MDGA2: variants seen among roughly 807,000 people sequenced by gnomAD.
The protein encoded by MDGA2 is MAM domain containing glycosylphosphatidylinositol anchor 2, also known as MAM domain-containing glycosylphosphatidylinositol anchor protein 2.
In MDGA2, 40 loss-of-function variants were observed where a neutral mutation model predicts 117.8. The ratio of observed to expected loss-of-function variants is 0.34; its 90% CI spans 0.26 to 0.44. The LOEUF is 0.44. Ranked by LOEUF, MDGA2 falls within the 20% of genes least tolerant of loss-of-function variation. The pLI, the probability that MDGA2 is intolerant of heterozygous loss-of-function variation, is 1.00. For missense variants in MDGA2, 1,123 were observed against 1,250.6 expected (o/e 0.90, Z 1.54); for synonymous variants, 452 against 439.0 (o/e 1.03, Z -0.37).
At chr14:47,259,083 A>T (rs1161598017) in intron 2 of MDGA2, among the ~76,000 whole-genome samples, 1 of 152,146 alleles carries the variant, frequency 6.6e-6, no homozygotes, top group East Asian at 1.9e-4. Context: ...CTACACCAAG[A>T]CCAATTTCCA....
At chr14:47,149,899 G>A (rs1024508765) in intron 3 of MDGA2, among the ~76,000 whole-genome samples, 1 of 152,094 alleles carries the variant, frequency 6.6e-6, no homozygotes, top group African/African-American at 2.4e-5. Flanking sequence ...TCAGCATCTA[G>A]CTCCATACAT....
intron 5 of MDGA2, among the ~76,000 whole-genome samples, chr14:47,105,410 G>A (rs910688066): frequency 3.3e-5 from 5 of 151,380 alleles, no homozygotes; most frequent in Admixed American, 2.0e-4. Flanking sequence ...TTTTCTCTGG[G>A]CTTGCCTCCT....
chr14:47,654,726 C>G (rs1897711249), intron 1 of MDGA2, among the ~76,000 whole-genome samples: 2 of 152,024 alleles, frequency 1.3e-5, no homozygotes, highest in African/African-American at 2.4e-5. Context: ...AAACTCATCA[C>G]CAGGGTTAAG....
At chr14:47,591,763 G>C (rs1442902048) in intron 1 of MDGA2, among the ~76,000 whole-genome samples, 1 of 151,930 alleles carries the variant, frequency 6.6e-6, no homozygotes, top group African/African-American at 2.4e-5. Flanking sequence ...CAATAAACTA[G>C]GCATTGATGT....
intron 1 of MDGA2, among the ~76,000 whole-genome samples, chr14:47,610,618 C>T (rs1896830540): frequency 6.6e-6 from 1 of 151,732 alleles, no homozygotes; most frequent in African/African-American, 2.4e-5. Context: ...TAGGAATATA[C>T]CTAACCAAGG....
intron 14 of MDGA2, among the ~76,000 whole-genome samples, chr14:46,868,121 G>T (rs184974069): frequency 2.0e-5 from 3 of 151,990 alleles, no homozygotes; most frequent in Admixed American, 1.3e-4. Flanking sequence ...CATGGTTACT[G>T]CTCTCAAGGA....
intron 10 of MDGA2, among the ~76,000 whole-genome samples, chr14:46,895,785 A>T (rs1257602047): frequency 6.6e-6 from 1 of 152,026 alleles, no homozygotes; most frequent in Non-Finnish European, 1.5e-5. Context: ...AGGATATTTT[A>T]CTACTGCTAT....
rs774966229 is a variant in MDGA2, at chr14:47,035,106, G to C, written c.1724C>G (p.Ser575Cys). ...TCTGTACATTCCTGACATTTCCCTA[G>C]ATACATTCACAATCCTCAGTGTTCC... ...YDGTLRIVNV[S>C]REMSGMYRCQ... Residue 575 changes from serine to cysteine, a missense_variant, in exon 8 of 17, where the codon TCT becomes TGT. Coordinates refer to ENST00000399232, the MANE Select transcript of MDGA2 (RefSeq NM_001113498.3). The C allele has an allele frequency of 2.5e-6, 4 of 1,613,930 alleles. No homozygotes were observed. In the South Asian group the frequency reaches 3.3e-5, roughly 13 times the overall value.
At chr14:47,203,894 C>T (rs571674975) in intron 3 of MDGA2, among the ~76,000 whole-genome samples, 1 of 152,082 alleles carries the variant, frequency 6.6e-6, no homozygotes, top group South Asian at 2.1e-4. Flanking sequence ...CCTGAGGATA[C>T]ACTCTAATTG....
chr14:46,879,206 C>T (rs1412805162), intron 11 of MDGA2, among the ~76,000 whole-genome samples: 2 of 151,998 alleles, frequency 1.3e-5, no homozygotes, highest in Admixed American at 1.3e-4. Flanking sequence ...GAGGAGGAGA[C>T]ACCAGAGAGC....
intron 4 of MDGA2, among the ~76,000 whole-genome samples, chr14:47,133,986 T>C (rs1882333658): frequency 6.6e-6 from 1 of 152,092 alleles, no homozygotes; most frequent in East Asian, 1.9e-4. Flanking sequence ...TTCAGCTTTA[T>C]TGAAGTATAA....
At chr14:46,961,622 G>A (rs1885811961) in intron 8 of MDGA2, among the ~76,000 whole-genome samples, 1 of 151,504 alleles carries the variant, frequency 6.6e-6, no homozygotes, top group African/African-American at 2.4e-5. Flanking sequence ...TTTAAACAAA[G>A]TAATTGTTTT....
chr14:47,384,928 T>C (rs757192372), intron 1 of MDGA2, among the ~76,000 whole-genome samples: 10 of 152,196 alleles, frequency 6.6e-5, no homozygotes, highest in Non-Finnish European at 1.3e-4. Flanking sequence ...CGAATACTTC[T>C]GATGCCTTCA....
At chr14:46,933,705 A>G (rs537669771) in intron 9 of MDGA2, among the ~76,000 whole-genome samples, 76 of 150,314 alleles carry the variant, frequency 5.1e-4, no homozygotes, top group Admixed American at 1.5e-3. Context: ...TTGAAACTTT[A>G]AAGAGGCATT....
chr14:47,644,797 A>G (rs1897494359), intron 1 of MDGA2, among the ~76,000 whole-genome samples: 2 of 152,186 alleles, frequency 1.3e-5, no homozygotes, highest in African/African-American at 4.8e-5. Context: ...ATGTATATGG[A>G]AACATTACAC....
intron 7 of MDGA2, among the ~76,000 whole-genome samples, chr14:47,047,979 AG>A (rs1889324263): frequency 6.6e-6 from 1 of 152,080 alleles, no homozygotes; most frequent in Admixed American, 6.6e-5. Context: ...ATTCCCCCAA[AG>A]CCATCCAAGG....
chr14:47,173,339 C>T lies in MDGA2; in HGVS notation c.596-29065G>A, dbSNP rs1884269297. ...CCTCAAGAAGAGCAACTCCAAGACA[C>T]ATAATTGTCAGATTCACCAAAGTTG... On this transcript the variant is annotated intron_variant, in intron 3 of 16. Coordinates refer to ENST00000399232, the MANE Select transcript of MDGA2 (RefSeq NM_001113498.3). Among the ~76,000 whole-genome samples, 3 of 152,150 alleles carry T rather than the reference C, an allele frequency of 2.0e-5. No homozygotes were observed. The South Asian group carries it at 6.2e-4, about 32-fold the overall frequency.
rs71112472 is a variant in MDGA2 at position 46,938,540 on chromosome 14, C to CAA, written c.2090-18382_2090-18381dup. Among the ~76,000 whole-genome samples the CAA allele has an allele frequency of 2.3e-3, 63 of 26,832 alleles. 2 individuals carry two copies. The highest frequency in any genetic ancestry group is 3.8e-3 in the Non-Finnish European group (43 of 11,288). The allele number at this position is 26,832 out of a possible 152,430, so 17.6% of individuals were successfully genotyped here. On this transcript the variant is annotated intron_variant, in intron 9 of 16. Coordinates refer to ENST00000399232, the MANE Select transcript of MDGA2 (RefSeq NM_001113498.3). ...GGGCAACAAGAACGAAAATCCATCT[C>CAA]AAAAAAAAAAAAAAAAAAAAGAGAC... is the stretch of plus-strand genomic sequence containing the variant.
intron 2 of MDGA2, among the ~76,000 whole-genome samples, chr14:47,238,977 T>C (rs1411653387): frequency 2.0e-5 from 3 of 151,730 alleles, no homozygotes; most frequent in Non-Finnish European, 4.4e-5. Flanking sequence ...GTAAGTAAAT[T>C]GTGATCGGCT....
Sources: gnomAD v4.1 joint callset for allele counts (sites outside exome capture counted in the v4.1 genomes callset) on GRCh38, gnomAD v4.1.1 for gene constraint, MANE v1.5 for transcripts, NCBI Gene and HGNC (gene_info 2026-07-23, HGNC 2026-07-21) for gene names.